Variants in SMYD3 observed in about 807,000 individuals in gnomAD.
SMYD3 encodes the protein SET and MYND domain containing 3.
SMYD3 carries 36 observed loss-of-function variants against 57.7 expected under a neutral mutation model. That is an observed-to-expected ratio of 0.62 (90% CI 0.48 to 0.82). SMYD3 has a LOEUF of 0.82. SMYD3 is among the 40% of genes least tolerant of loss of function. The pLI, the probability that SMYD3 is intolerant of heterozygous loss-of-function variation, is 0.00. For synonymous variants in SMYD3, 211 were observed against 195.0 expected (o/e 1.08, Z -0.68); for missense variants, 515 against 538.8 (o/e 0.96, Z 0.44).
chr1:246,194,849 C>T (rs1203076249), intron 5 of SMYD3, among the ~76,000 whole-genome samples: 1 of 152,172 alleles, frequency 6.6e-6, no homozygotes, highest in Non-Finnish European at 1.5e-5. Context: ...GTCTCCTTCA[C>T]GAAGATTTTC....
intron 5 of SMYD3, among the ~76,000 whole-genome samples, chr1:246,192,825 C>A (rs1425647811): frequency 6.6e-6 from 1 of 151,196 alleles, no homozygotes; most frequent in African/African-American, 2.4e-5. Context: ...AAAAGGAGAA[C>A]AGTAAGTCCT....
chr1:245,765,077 C>CAAAAAAAAAAAAAAAA (rs746177324), intron 10 of SMYD3, among the ~76,000 whole-genome samples: 9 of 128,414 alleles, frequency 7.0e-5, no homozygotes, highest in African/African-American at 2.4e-4. Context: ...CACACACACA[C>CAAAAAAAAAAAAAAAA]AAAACCACAG....
At chr1:246,169,029 A>G (rs1157830161) in intron 5 of SMYD3, among the ~76,000 whole-genome samples, 1 of 152,108 alleles carries the variant, frequency 6.6e-6, no homozygotes, top group African/African-American at 2.4e-5. Flanking sequence ...TCTTTCTGTC[A>G]TTTTACATTG....
chr1:245,893,237 C>T (rs1477737965), intron 8 of SMYD3, among the ~76,000 whole-genome samples: 1 of 152,088 alleles, frequency 6.6e-6, no homozygotes, highest in Non-Finnish European at 1.5e-5. Flanking sequence ...TTTGGGGTAA[C>T]TGGAACTCTG....
intron 5 of SMYD3, among the ~76,000 whole-genome samples, chr1:246,260,124 T>A (rs1205082889): frequency 1.3e-5 from 2 of 152,138 alleles, no homozygotes; most frequent in African/African-American, 4.8e-5. Context: ...ACGGGAAGGA[T>A]GGAGCAGCTC....
intron 8 of SMYD3, among the ~76,000 whole-genome samples, chr1:245,895,184 TCAAA>T (rs5782374): frequency 1 from 151,883 of 152,276 alleles, 75,751 homozygotes; most frequent in Middle Eastern, 1. Context: ...AAACATGAAC[TCAAA>T]CAGACAGTCA....
intron 5 of SMYD3, among the ~76,000 whole-genome samples, chr1:246,184,590 T>C (rs1177213957): frequency 6.6e-6 from 1 of 152,226 alleles, no homozygotes; most frequent in Non-Finnish European, 1.5e-5. Flanking sequence ...CCTCTGATTC[T>C]ATTTGGAGAA....
chr1:246,086,474 A>G (rs1248503157), intron 5 of SMYD3, among the ~76,000 whole-genome samples: 1 of 150,024 alleles, frequency 6.7e-6, no homozygotes, highest in Non-Finnish European at 1.5e-5. Context: ...ATTTGCTCCT[A>G]TCTACTAGAG....
At chr1:246,489,805 T>C (rs2068241733) in intron 1 of SMYD3, among the ~76,000 whole-genome samples, 1 of 152,106 alleles carries the variant, frequency 6.6e-6, no homozygotes, top group South Asian at 2.1e-4. Flanking sequence ...ATGAAGTTAT[T>C]TATGCTTAAA....
intron 5 of SMYD3, among the ~76,000 whole-genome samples, chr1:246,091,454 C>G (rs958824132): frequency 2.7e-5 from 4 of 148,872 alleles, no homozygotes; most frequent in Admixed American, 1.3e-4. Flanking sequence ...AGAGAGAGAG[C>G]TGGTTTTCTT....
chr1:246,206,635 T>A (rs2063004834), intron 5 of SMYD3, among the ~76,000 whole-genome samples: 1 of 152,164 alleles, frequency 6.6e-6, no homozygotes, highest in Admixed American at 6.5e-5. Flanking sequence ...TCCACTGTGC[T>A]GCATAAAGGC....
rs140428614 is a variant in SMYD3, at chr1:246,312,679, T to C, written c.531+14522A>G. Among the ~76,000 whole-genome samples, 544 of 152,234 alleles carry C rather than the reference T, an allele frequency of 3.6e-3. 1 individual carries two copies. The highest frequency in any genetic ancestry group is 0.012 in the African/African-American group (496 of 41,538). On this transcript the variant is annotated intron_variant, in intron 5 of 11. Transcript: ENST00000490107. Reference sequence around the variant, plus strand: ...ACATAGATGAAGATTTTTGTTGGTATATAGAAAATATGGGATGAGCTCAGA... The same window carrying C: ...ACATAGATGAAGATTTTTGTTGGTACATAGAAAATATGGGATGAGCTCAGA...
At chr1:246,488,433 TA>T (rs2103066382) in intron 1 of SMYD3, among the ~76,000 whole-genome samples, 1 of 152,350 alleles carries the variant, frequency 6.6e-6, no homozygotes, top group East Asian at 1.9e-4. Flanking sequence ...CTCATGCCTG[TA>T]ATCCCACTTT....
intron 1 of SMYD3, among the ~76,000 whole-genome samples, chr1:246,407,349 A>T (rs1196492446): frequency 2.6e-5 from 4 of 152,234 alleles, no homozygotes; most frequent in Non-Finnish European, 5.9e-5. Context: ...GTTGTTCATC[A>T]TCTGAGACTA....
intron 5 of SMYD3, among the ~76,000 whole-genome samples, chr1:245,950,659 A>C (rs937043638): frequency 1.8e-4 from 28 of 152,210 alleles, no homozygotes; most frequent in African/African-American, 6.8e-4. Context: ...TATGTCACTC[A>C]AAATCCAAAA....
chr1:245,964,521 C>G (rs1240794784), intron 5 of SMYD3, among the ~76,000 whole-genome samples: 1 of 151,982 alleles, frequency 6.6e-6, no homozygotes, highest in Non-Finnish European at 1.5e-5. Context: ...TCAGATACAG[C>G]AGAAATATTG....
intron 5 of SMYD3, among the ~76,000 whole-genome samples, chr1:246,060,131 A>G (rs2060225269): frequency 6.6e-6 from 1 of 151,986 alleles, no homozygotes; most frequent in Non-Finnish European, 1.5e-5. Context: ...CTACTAAAAG[A>G]AAAAAACTTA....
intron 5 of SMYD3, among the ~76,000 whole-genome samples, chr1:246,176,440 C>G (rs1025232275): frequency 6.6e-6 from 1 of 152,324 alleles, no homozygotes; most frequent in East Asian, 1.9e-4. Context: ...ACATTTGACT[C>G]TTTAAAACAT....
intron 10 of SMYD3, among the ~76,000 whole-genome samples, chr1:245,778,925 C>G (rs1209615291): frequency 6.6e-6 from 1 of 151,930 alleles, no homozygotes; most frequent in Non-Finnish European, 1.5e-5. Flanking sequence ...TTTGGGAGGC[C>G]GAGGCGGGTC....
Sources: gnomAD v4.1 joint callset for allele counts (sites outside exome capture counted in the v4.1 genomes callset) on GRCh38, gnomAD v4.1.1 for gene constraint, MANE v1.5 for transcripts, NCBI Gene and HGNC (gene_info 2026-07-23, HGNC 2026-07-21) for gene names.